The following IRAG2 variants were observed in gnomAD, a reference collection of about 807,000 sequenced individuals.
The protein encoded by IRAG2 is inositol 1,4,5-triphosphate receptor associated 2.
IRAG2 carries 45 observed loss-of-function variants against 69.9 expected under a neutral mutation model. The observed-to-expected ratio is 0.64, with a 90% CI of 0.51 to 0.83. The LOEUF (loss-of-function observed/expected upper bound fraction) is 0.83. IRAG2 is among the 40% of genes least tolerant of loss of function. The pLI is 0.00. For missense variants in IRAG2, 520 were observed against 587.0 expected (o/e 0.89, Z 1.18); for synonymous variants, 193 against 202.4 (o/e 0.95, Z 0.40).
At chr12:25,090,232 G>A in intron 14 of IRAG2, 35 bp downstream of exon 14, 1 of 1,600,706 alleles carries the variant, frequency 6.2e-7, no homozygotes, top group Non-Finnish European at 8.5e-7. Flanking sequence ...TAAACATTTG[G>A]TCTAGCCAGG....
exon 4 of IRAG2, chr12:25,015,238 A>G (rs1310178313): frequency 3.3e-6 from 4 of 1,220,826 alleles, no homozygotes; most frequent in Non-Finnish European, 4.1e-6. Context: ...TGTGAACAGG[A>G]TGGCATAAAA....
intron 7 of IRAG2, chr12:25,020,980 CG>C (rs1944573999): frequency 1.4e-6 from 1 of 705,192 alleles, no homozygotes; most frequent in South Asian, 7.3e-5. Flanking sequence ...AGGACTTATC[CG>C]GTGGAACATC....
intron 6 of IRAG2, among the ~76,000 whole-genome samples, chr12:25,018,193 C>CTTT (rs56659655): frequency 0.024 from 2,479 of 105,194 alleles, 67 homozygotes; most frequent in East Asian, 0.043. Flanking sequence ...TTTCTTTCTT[C>CTTT]TTTTTTTTTT....
Position 25,020,859 on chromosome 12 carries a change from T to A in IRAG2, c.1284T>A (p.Asn428Lys), listed in dbSNP as rs1011424834. ...TGGAGGAACTGAAACTTAGTATGAA[T>A]GCTTCAGAAGAGCAGAAGAGCATGA... is the stretch of plus-strand genomic sequence containing the variant. The change falls in exon 7 of 39, where the codon AAT becomes AAA. Residue 428 changes from asparagine (N) to lysine (K), a missense_variant. Asn to Lys is a moderately conservative substitution (Grantham distance 94, BLOSUM62 0). Transcript: ENST00000636465. 1.7e-5 allele frequency: 21 copies of A among 1,231,880 alleles called. No individual in the cohort carries two copies. In the African/African-American group the frequency reaches 2.2e-4, roughly 13 times the overall value. The allele number at this position is 1,231,880 out of a possible 1,614,324, so 76.3% of individuals were successfully genotyped here.
intron 15 of IRAG2, 102 bp downstream of exon 15, chr12:25,097,146 A>G (rs1948466282): frequency 1.7e-6 from 2 of 1,211,480 alleles, no homozygotes; most frequent in Non-Finnish European, 2.3e-6. Flanking sequence ...TTTAAAAAAT[A>G]CTTTTGTTGT....
At chr12:25,001,236 A>T (rs941152928), upstream of IRAG2, among the ~76,000 whole-genome samples, 1 of 152,004 alleles carries the variant, frequency 6.6e-6, no homozygotes, top group African/African-American at 2.4e-5. Context: ...CAGTAGAAGA[A>T]AGCCTGGGAA....
chr12:25,031,962 G>A (rs11608514), intron 10 of IRAG2, among the ~76,000 whole-genome samples: 3,507 of 152,224 alleles, frequency 0.023, 56 homozygotes, highest in East Asian at 0.087. Flanking sequence ...ACGCCCAGCC[G>A]TCCTTGTGTG....
At chr12:25,031,149 G>T (rs1255379675) in intron 10 of IRAG2, 1 of 883,204 alleles carries the variant, frequency 1.1e-6, no homozygotes, top group Non-Finnish European at 1.4e-6. Context: ...TGCACATTTT[G>T]AAGTTTCAAA....
intron 3 of IRAG2, among the ~76,000 whole-genome samples, chr12:25,012,712 C>G (rs1944486622): frequency 6.6e-6 from 1 of 152,046 alleles, no homozygotes; most frequent in Non-Finnish European, 1.5e-5. Context: ...CCTGTGATCC[C>G]AATCACGTGG....
At chr12:25,019,708 G>A (rs937011548) in intron 6 of IRAG2, among the ~76,000 whole-genome samples, 3 of 152,230 alleles carry the variant, frequency 2.0e-5, no homozygotes, top group African/African-American at 4.8e-5. Context: ...TCTCATTTAA[G>A]GCCATGGGTC....
chr12:25,024,244 T>C (rs796281854), intron 8 of IRAG2, among the ~76,000 whole-genome samples: 4 of 152,212 alleles, frequency 2.6e-5, no homozygotes, highest in South Asian at 4.1e-4. Flanking sequence ...TTTAATTCCA[T>C]TGAACAAAGT....
chr12:25,050,047 T>A (rs1944830022), upstream of IRAG2, among the ~76,000 whole-genome samples: 1 of 145,558 alleles, frequency 6.9e-6, no homozygotes, highest in African/African-American at 2.5e-5. Context: ...GGCGTTAGCT[T>A]GGGAGGTGGA....
chr12:25,009,512 G>A (rs1024481738), intron 2 of IRAG2, among the ~76,000 whole-genome samples: 1 of 152,184 alleles, frequency 6.6e-6, no homozygotes, highest in Non-Finnish European at 1.5e-5. Flanking sequence ...AATGGGATGT[G>A]TATTAGCCAG....
intron 1 of IRAG2, among the ~76,000 whole-genome samples, chr12:25,056,819 C>G (rs1945283071): frequency 6.6e-6 from 1 of 152,192 alleles, no homozygotes; most frequent in Admixed American, 6.5e-5. Context: ...CTTAGCTTGG[C>G]TGCTGAACAG....
chr12:25,074,846 T>A (rs1946575262), intron 6 of IRAG2, among the ~76,000 whole-genome samples: 1 of 152,246 alleles, frequency 6.6e-6, no homozygotes, highest in Non-Finnish European at 1.5e-5. Flanking sequence ...AGATGTACTA[T>A]CACTGGGAGG....
chr12:25,081,077 A>C (rs554301930), intron 9 of IRAG2, among the ~76,000 whole-genome samples: 1 of 152,360 alleles, frequency 6.6e-6, no homozygotes, highest in Admixed American at 6.5e-5. Context: ...TATTAATTAG[A>C]TATTTACAGC....
At chr12:25,031,438 A>G (rs1944666645) in intron 10 of IRAG2, among the ~76,000 whole-genome samples, 1 of 152,182 alleles carries the variant, frequency 6.6e-6, no homozygotes, top group African/African-American at 2.4e-5. Flanking sequence ...GAAAACAATG[A>G]TTTTAAGGAG....
intron 5 of IRAG2, chr12:25,017,075 A>G (rs922980963): frequency 8.3e-7 from 1 of 1,206,416 alleles, no homozygotes; most frequent in Non-Finnish European, 1.0e-6. Flanking sequence ...CGTATACCTT[A>G]TTTTATTAGA....
chr12:25,016,755 G>GAAAAA (rs34765422), intron 5 of IRAG2, among the ~76,000 whole-genome samples: 169 of 132,604 alleles, frequency 1.3e-3, no homozygotes, highest in African/African-American at 4.4e-3. Flanking sequence ...CTCAAAAAAT[G>GAAAAA]AAAAAAAAAA....
Sources: allele counts gnomAD v4.1 joint callset (sites outside exome capture counted in the v4.1 genomes callset), GRCh38; gene constraint gnomAD v4.1.1; transcripts MANE v1.5; gene names NCBI Gene and HGNC (gene_info 2026-07-23, HGNC 2026-07-21).